Variants in CDH19 observed in about 807,000 individuals in gnomAD.
CDH19 encodes cadherin 19.
In CDH19, 67 loss-of-function variants were observed where a neutral mutation model predicts 64.2. The observed-to-expected ratio is 1.04, with a 90% CI of 0.86 to 1.28. The LOEUF (loss-of-function observed/expected upper bound fraction) is 1.28. Ranked by LOEUF, CDH19 falls within the 50% of genes most tolerant of loss-of-function variation. CDH19 has a pLI of 0.00. For synonymous variants in CDH19, 346 were observed against 319.3 expected (o/e 1.08, Z -0.89); for missense variants, 1,030 against 929.0 (o/e 1.11, Z -1.41).
chr18:66,542,778 G>A (rs1416988201), intron 7 of CDH19, among the ~76,000 whole-genome samples: 1 of 152,016 alleles, frequency 6.6e-6, no homozygotes, highest in Non-Finnish European at 1.5e-5. Flanking sequence ...GATTGTCATA[G>A]GAGCATGAAT....
intron 5 of CDH19, among the ~76,000 whole-genome samples, chr18:66,546,582 C>T (rs1482314760): frequency 6.6e-6 from 1 of 152,020 alleles, no homozygotes; most frequent in Non-Finnish European, 1.5e-5. Flanking sequence ...GTCCTAGAGG[C>T]TGGAGATAGA....
intron 1 of CDH19, among the ~76,000 whole-genome samples, chr18:66,583,512 G>A (rs931767027): frequency 6.6e-6 from 1 of 151,838 alleles, no homozygotes; most frequent in African/African-American, 2.4e-5. Context: ...CCTCAGGTAG[G>A]GCCCAGTGTC....
rs1468684588 is a variant in CDH19 at position 66,511,688 on chromosome 18, A to T, written c.1459-3T>A. 1.6e-6 allele frequency: 2 copies of T among 1,243,354 alleles called. No homozygotes were observed. The highest frequency in any genetic ancestry group is 1.3e-5 in the South Asian group (1 of 76,530). The allele number at this position is 1,243,354 out of a possible 1,614,324, so 77.0% of individuals were successfully genotyped here. ...ACTGCACTGATAGTCTGAATTACCT[A>T]AAAAAAAAGGGGGATAGATTTTTGT... On this transcript the variant is annotated splice_region_variant and splice_polypyrimidine_tract_variant and intron_variant, in intron 9 of 11. Coordinates refer to ENST00000262150, the MANE Select transcript of CDH19 (RefSeq NM_021153.4).
rs1281454786 is a variant in CDH19 at position 66,567,663 on chromosome 18, G to A, written c.490+753C>T. 2.6e-5 allele frequency among the ~76,000 whole-genome samples: 4 copies of A among 151,754 alleles called. No homozygotes were observed. The South Asian group carries it at 6.2e-4, about 24-fold the overall frequency. Reference sequence around the variant, plus strand: ...GTAAAGTAGTTATAAGCATGTTACCGTAATTTAAAATGGCCATTATCAAGT... The same window carrying A: ...GTAAAGTAGTTATAAGCATGTTACCATAATTTAAAATGGCCATTATCAAGT... On this transcript the variant is annotated intron_variant, in intron 3 of 11. Coordinates refer to ENST00000262150, the MANE Select transcript of CDH19 (RefSeq NM_021153.4).
chr18:66,590,245 A>T (rs1167726453), intron 1 of CDH19, among the ~76,000 whole-genome samples: 1 of 151,888 alleles, frequency 6.6e-6, no homozygotes, highest in Non-Finnish European at 1.5e-5. Context: ...CATCACCATC[A>T]TCATCTTGTC....
intron 8 of CDH19, chr18:66,532,387 T>C (rs1598986998): frequency 6.3e-6 from 1 of 159,708 alleles, no homozygotes. Flanking sequence ...CTATTTGCAA[T>C]GATAATTTGA....
intron 1 of CDH19, among the ~76,000 whole-genome samples, chr18:66,588,311 G>C (rs1988636132): frequency 1.3e-5 from 2 of 151,996 alleles, no homozygotes; most frequent in South Asian, 4.1e-4. Flanking sequence ...CCCTGAACTG[G>C]AATAACCAGG....
At chr18:66,564,626 CT>C (rs1987839140) in intron 3 of CDH19, among the ~76,000 whole-genome samples, 1 of 151,756 alleles carries the variant, frequency 6.6e-6, no homozygotes, top group South Asian at 2.1e-4. Context: ...TTAAATTTTC[CT>C]TTTGCATTTG....
chr18:66,585,374 A>T (rs1023773341), intron 1 of CDH19, among the ~76,000 whole-genome samples: 1 of 152,066 alleles, frequency 6.6e-6, no homozygotes, highest in Non-Finnish European at 1.5e-5. Context: ...TTTGCTGGAG[A>T]TAAGAGTAGC....
At chr18:66,515,129 G>T (rs980117325) in intron 9 of CDH19, among the ~76,000 whole-genome samples, 2 of 151,524 alleles carry the variant, frequency 1.3e-5, no homozygotes, top group African/African-American at 4.8e-5. Flanking sequence ...CTTCTCAATA[G>T]AAAAATGTTA....
chr18:66,509,516 A>G (rs1985367939), intron 10 of CDH19, among the ~76,000 whole-genome samples: 2 of 151,784 alleles, frequency 1.3e-5, no homozygotes, highest in Non-Finnish European at 2.9e-5. Context: ...TTGAGTTGAT[A>G]CTACTTATTT....
At chr18:66,550,122 T>A (rs957515083) in intron 5 of CDH19, among the ~76,000 whole-genome samples, 1 of 152,284 alleles carries the variant, frequency 6.6e-6, no homozygotes, top group East Asian at 1.9e-4. Flanking sequence ...GCTAATTAAA[T>A]TTTCTTCCTA....
rs184124654 is a variant in CDH19, at chr18:66,576,674, C to T, written c.-112-4358G>A. The stretch of plus-strand genomic sequence containing the variant: ...TTATTGTATTACAAGAAGAAACACA[C>T]AAATCTATAATTCAAATTGATTCAT... On this transcript the variant is annotated intron_variant, in intron 1 of 11. Transcript: ENST00000262150. Among the ~76,000 whole-genome samples the T allele has an allele frequency of 8.7e-4, 132 of 151,482 alleles. 1 individual carries two copies. Among genetic ancestry groups the T allele is most frequent in the Admixed American group, 1.8e-3 (28 of 15,152 alleles).
intron 1 of CDH19, among the ~76,000 whole-genome samples, chr18:66,598,062 CT>C: frequency 6.6e-6 from 1 of 152,240 alleles, no homozygotes. Flanking sequence ...CCAAATATCA[CT>C]AATCATTAGA....
At chr18:66,588,399 T>C (rs1203850558) in intron 1 of CDH19, among the ~76,000 whole-genome samples, 1 of 151,924 alleles carries the variant, frequency 6.6e-6, no homozygotes, top group African/African-American at 2.4e-5. Context: ...TGCAGGACAA[T>C]AAACTATGCT....
At position 66,524,569 on chromosome 18, in the gene CDH19, T is replaced by TATATATATATATATATATAA. The variant is rs1276593665; in HGVS notation, c.1458+5275_1458+5276insTTATATATATATATATATAT. 8.9e-3 allele frequency among the ~76,000 whole-genome samples: 1,200 copies of TATATATATATATATATATAA among 134,880 alleles called. 26 individuals are homozygous for TATATATATATATATATATAA. The highest frequency in any genetic ancestry group is 0.013 in the Non-Finnish European group (815 of 62,428). 88.5% of individuals were successfully genotyped at this position (134,880 alleles called of 152,430 possible). On this transcript the variant is annotated intron_variant, in intron 9 of 11. Transcript: ENST00000262150. The stretch of plus-strand genomic sequence containing the variant: ...ATATATATATATATATATATATATA[T>TATATATATATATATATATAA]AAACATCATCATGCACCATAAATAT...
At chr18:66,527,352 C>T (rs934109385) in intron 9 of CDH19, among the ~76,000 whole-genome samples, 1 of 151,858 alleles carries the variant, frequency 6.6e-6, no homozygotes, top group African/African-American at 2.4e-5. Flanking sequence ...GAATACTTTT[C>T]ATATTATAAT....
intron 1 of CDH19, among the ~76,000 whole-genome samples, chr18:66,599,472 G>A (rs1046271218): frequency 2.0e-4 from 31 of 152,000 alleles, no homozygotes; most frequent in Middle Eastern, 3.4e-3. Flanking sequence ...TTTCAGAAGG[G>A]GTTCTATTAG....
At chr18:66,559,935 A>G (rs1250622246) in intron 3 of CDH19, among the ~76,000 whole-genome samples, 1 of 152,038 alleles carries the variant, frequency 6.6e-6, no homozygotes, top group Non-Finnish European at 1.5e-5. Context: ...GACTGTATAA[A>G]TGGTTAACTT....
Sources: gnomAD v4.1 joint callset for allele counts (sites outside exome capture counted in the v4.1 genomes callset) on GRCh38, gnomAD v4.1.1 for gene constraint, MANE v1.5 for transcripts, NCBI Gene and HGNC (gene_info 2026-07-23, HGNC 2026-07-21) for gene names.